The following TDRD12 variants were observed in gnomAD, a reference collection of about 807,000 sequenced individuals.
TDRD12 encodes the protein putative ATP-dependent RNA helicase TDRD12.
TDRD12 carries 158 observed loss-of-function variants against 133.5 expected under a neutral mutation model. The ratio of observed to expected loss-of-function variants is 1.18; its 90% CI spans 1.04 to 1.35. The LOEUF is 1.35. TDRD12 is among the 40% of genes most tolerant of loss of function. The probability of loss-of-function intolerance (pLI) is 0.00; values close to 1 mark genes in which losing one functional copy is unlikely to be tolerated. For missense variants in TDRD12, 1,443 were observed against 1,321.3 expected (o/e 1.09, Z -1.43); for synonymous variants, 460 against 477.9 (o/e 0.96, Z 0.49).
chr19:32,825,193 C>T (rs190727275), downstream of TDRD12, among the ~76,000 whole-genome samples: 3 of 152,298 alleles, frequency 2.0e-5, no homozygotes, highest in Admixed American at 6.5e-5. The surrounding 1 kb of genome is among the most constrained non-coding windows in gnomAD (Gnocchi z 4.1). Context: ...CATGTGACAC[C>T]GAGGATGGCG....
In TDRD12 at chr19:32,731,390, AT is replaced by A. The variant is rs551818806; in HGVS notation, c.25-325del. Among the ~76,000 whole-genome samples, 485 of 149,426 alleles carry A rather than the reference AT, an allele frequency of 3.2e-3. 2 individuals carry two copies. The highest frequency in any genetic ancestry group is 5.3e-3 in the Non-Finnish European group (356 of 67,190). ...GGCAAAATAGCGAGACACCATCTCT[AT>A]TTTTTTTTTAATTAAAAAAATTTTT... On this transcript the variant is annotated intron_variant, in intron 1 of 27. Transcript: ENST00000444215.
exon 10 of TDRD12, chr19:32,827,552 G>A (rs1168784546): frequency 5.9e-6 from 1 of 169,896 alleles, no homozygotes; most frequent in African/African-American, 2.4e-5. Flanking sequence ...ACCAATTTTT[G>A]TATTTTTAGT....
At chr19:32,799,394 G>T (rs1043685951) in intron 16 of TDRD12, among the ~76,000 whole-genome samples, 16 of 152,146 alleles carry the variant, frequency 1.1e-4, no homozygotes, top group Admixed American at 9.2e-4. Context: ...GAGCAGGCTT[G>T]CCCCAGTTTT....
chr19:32,749,440 G>C (rs1001793820), intron 5 of TDRD12, among the ~76,000 whole-genome samples: 3 of 152,136 alleles, frequency 2.0e-5, no homozygotes, highest in Admixed American at 6.6e-5. Flanking sequence ...CTGCTGCTGC[G>C]GGGTTTTGAG....
Position 32,808,798 on chromosome 19 carries a change from C to T in TDRD12, c.2652+1150C>T, listed in dbSNP as rs1044552558. On this transcript the variant is annotated intron_variant, in intron 22 of 27. Coordinates refer to ENST00000444215, the Ensembl canonical transcript of TDRD12. Reference sequence around the variant, plus strand: ...AATTCTGATCTGTTACTCTTTTATACACTCATTGTTTTCTTAGTTAACAAA... The same window carrying T: ...AATTCTGATCTGTTACTCTTTTATATACTCATTGTTTTCTTAGTTAACAAA... 5.3e-5 allele frequency among the ~76,000 whole-genome samples: 8 copies of T among 152,306 alleles called. No individual in the cohort carries two copies. The East Asian group carries it at 5.8e-4, about 11-fold the overall frequency.
chr19:32,817,548 A>G (rs756098911), intron 26 of TDRD12, among the ~76,000 whole-genome samples: 3 of 151,960 alleles, frequency 2.0e-5, no homozygotes, highest in Admixed American at 6.5e-5. Context: ...GACTGTGGTG[A>G]GTGTGCTCCT....
chr19:32,764,279 T>C (rs1970234874), intron 8 of TDRD12, among the ~76,000 whole-genome samples: 1 of 151,722 alleles, frequency 6.6e-6, no homozygotes, highest in South Asian at 2.1e-4. Flanking sequence ...CCTGGCTAAT[T>C]TTTTGTATTT....
chr19:32,826,043 T>A (rs1391046938), downstream of TDRD12: 3 of 1,329,516 alleles, frequency 2.3e-6, no homozygotes, highest in Non-Finnish European at 1.0e-6. Flanking sequence ...TGTGTGTACA[T>A]GATGGAGTTA....
intron 26 of TDRD12, 29 bp from the exon 27 acceptor site, chr19:32,818,060 G>A (rs1196424015): frequency 7.1e-6 from 5 of 702,294 alleles, no homozygotes; most frequent in Admixed American, 2.0e-5. Context: ...ATGATTATTT[G>A]CAAATGAAGT....
At chr19:32,769,483 C>T (rs1203555272) in intron 8 of TDRD12, among the ~76,000 whole-genome samples, 1 of 152,168 alleles carries the variant, frequency 6.6e-6, no homozygotes, top group African/African-American at 2.4e-5. Context: ...ATCTAGGAGA[C>T]TGCCTGTTTG....
intron 27 of TDRD12, among the ~76,000 whole-genome samples, 188 bp downstream of exon 27, chr19:32,818,345 G>T (rs530828834): frequency 1.3e-5 from 2 of 152,284 alleles, no homozygotes; most frequent in South Asian, 4.1e-4. Context: ...GGAGGTGCTG[G>T]GCCAGGTCTT....
At chr19:32,780,423 C>CAGAGTCTG (rs2145628079) in intron 11 of TDRD12, among the ~76,000 whole-genome samples, 1 of 152,308 alleles carries the variant, frequency 6.6e-6, no homozygotes, top group Admixed American at 6.5e-5. Context: ...ATTTCAATGT[C>CAGAGTCTG]AGAGTCTGAA....
chr19:32,721,028 C>G (rs1049182225), intron 1 of TDRD12, among the ~76,000 whole-genome samples: 1 of 152,024 alleles, frequency 6.6e-6, no homozygotes, highest in African/African-American at 2.4e-5. Context: ...GGCCCTTAGG[C>G]TCGGCGCCTG....
chr19:32,744,278 A>C (rs549332122), intron 4 of TDRD12, among the ~76,000 whole-genome samples: 1 of 151,918 alleles, frequency 6.6e-6, no homozygotes, highest in Non-Finnish European at 1.5e-5. Flanking sequence ...AGGCAGGCGG[A>C]TCACTTGAGG....
intron 10 of TDRD12, among the ~76,000 whole-genome samples, chr19:32,774,472 TA>T (rs200815613): frequency 1.6e-3 from 239 of 151,640 alleles, no homozygotes; most frequent in African/African-American, 5.3e-3. Context: ...TTTTTTTTTT[TA>T]AAAGTATTCA....
At chr19:32,823,185 C>G (rs530745191), downstream of TDRD12, among the ~76,000 whole-genome samples, 1 of 152,170 alleles carries the variant, frequency 6.6e-6, no homozygotes, top group Non-Finnish European at 1.5e-5. Context: ...GTGCTGAGAG[C>G]CCCAGAGGGT....
chr19:32,815,625 G>A lies in TDRD12; in HGVS notation c.3314+5G>A, dbSNP rs1276905860. On this transcript the variant is annotated splice_donor_5th_base_variant and intron_variant, in intron 26 of 27. Coordinates refer to ENST00000444215, the Ensembl canonical transcript of TDRD12. Reference sequence around the variant, plus strand: ...AGAAAGCCTAAGCCAGACCCCGTAAGTGGATTTCTGTCTCCTTTTTGGAAG... The same window carrying A: ...AGAAAGCCTAAGCCAGACCCCGTAAATGGATTTCTGTCTCCTTTTTGGAAG... The A allele has an allele frequency of 6.5e-7, 1 of 1,526,884 alleles. No homozygotes were observed. Among genetic ancestry groups the A allele is most frequent in the South Asian group, 1.2e-5 (1 of 82,052 alleles). 94.6% of individuals were successfully genotyped at this position (1,526,884 alleles called of 1,614,324 possible).
intron 5 of TDRD12, 110 bp downstream of exon 5, chr19:32,748,641 C>A: frequency 9.3e-7 from 1 of 1,076,128 alleles, no homozygotes; most frequent in Non-Finnish European, 1.3e-6. Context: ...AACGGCCCTC[C>A]TCAGAGGAGT....
At chr19:32,739,017 A>AG in intron 3 of TDRD12, 25 bp downstream of exon 3, 1 of 1,549,222 alleles carries the variant, frequency 6.5e-7, no homozygotes, top group Non-Finnish European at 8.7e-7. Context: ...ATCTCACCTT[A>AG]CGCTCTTTTC....
Sources: gnomAD v4.1 joint callset for allele counts (sites outside exome capture counted in the v4.1 genomes callset) on GRCh38, gnomAD v4.1.1 for gene constraint, Gnocchi (gnomAD v3.1) non-coding constraint, MANE v1.5 for transcripts, NCBI Gene and HGNC (gene_info 2026-07-23, HGNC 2026-07-21) for gene names.